PRPF39: variants seen among roughly 807,000 people sequenced by gnomAD.
PRPF39 encodes pre-mRNA-processing factor 39.
PRPF39 carries 27 observed loss-of-function variants against 82.1 expected under a neutral mutation model. The observed-to-expected ratio is 0.33, with a 90% CI of 0.24 to 0.45. PRPF39 has a LOEUF of 0.45. Among genes scored for constraint, PRPF39 ranks in the 20% least tolerant of loss-of-function variants. The pLI is 1.00. For missense variants in PRPF39, 581 were observed against 796.9 expected, an observed-to-expected ratio of 0.73 and a Z score of 3.26; for synonymous variants, 261 against 256.4, an observed-to-expected ratio of 1.02 and a Z score of -0.17.
At chr14:45,087,352 G>A (rs1191091255) in intron 1 of PRPF39, among the ~76,000 whole-genome samples, 7 of 152,132 alleles carry the variant, frequency 4.6e-5, no homozygotes, top group Admixed American at 1.3e-4. Context: ...CTCTCACCTC[G>A]ACTTCCAAAG....
At chr14:45,092,081 C>T (rs1419481925) in intron 1 of PRPF39, among the ~76,000 whole-genome samples, 1 of 152,158 alleles carries the variant, frequency 6.6e-6, no homozygotes, top group African/African-American at 2.4e-5. Context: ...AAGGAAGGAC[C>T]ACACTAGTTG....
At chr14:45,088,903 C>G (rs1765929478) in intron 1 of PRPF39, among the ~76,000 whole-genome samples, 2 of 152,238 alleles carry the variant, frequency 1.3e-5, no homozygotes, top group African/African-American at 4.8e-5. Context: ...AAATTTTTTT[C>G]TATTCTATTT....
intron 1 of PRPF39, among the ~76,000 whole-genome samples, chr14:45,092,297 T>C (rs1201610358): frequency 6.6e-6 from 1 of 152,092 alleles, no homozygotes; most frequent in Admixed American, 6.6e-5. Flanking sequence ...AGTGCAACTT[T>C]TCCAGAGAGA....
Position 45,115,150 on chromosome 14 carries a change from C to T in PRPF39, c.*237C>T. The T allele has an allele frequency of 3.3e-6, 1 of 303,006 alleles. No homozygotes were observed. Among genetic ancestry groups the T allele is most frequent in the East Asian group, 5.7e-5 (1 of 17,416 alleles). The allele number at this position is 303,006 out of a possible 1,614,324, so 18.8% of individuals were successfully genotyped here. ...TTGAAAAACTATTTTTTGATTTTTG[C>T]ATTAAGTGGTCTAGAATTCTTTTGC... On this transcript the variant is annotated 3_prime_UTR_variant, in exon 14 of 14. Coordinates refer to ENST00000355765, the MANE Select transcript of PRPF39 (RefSeq NM_017922.4).
intron 1 of PRPF39, among the ~76,000 whole-genome samples, chr14:45,085,519 A>G (rs1018044913): frequency 1.3e-5 from 2 of 152,250 alleles, no homozygotes; most frequent in African/African-American, 4.8e-5. Context: ...AGGACTTCAA[A>G]AAAAATTAAA....
At chr14:45,114,291 C>T (rs770090272) in intron 12 of PRPF39, 34 bp downstream of exon 12, 2 of 1,492,726 alleles carry the variant, frequency 1.3e-6, no homozygotes, top group South Asian at 1.2e-5. Flanking sequence ...AGAAGGCGTG[C>T]TTCATTATGG....
At chr14:45,096,639 T>TA (rs775137727) in intron 3 of PRPF39, 1 of 1,489,504 alleles carries the variant, frequency 6.7e-7, no homozygotes, top group South Asian at 1.2e-5. Flanking sequence ...CTATGGTCTG[T>TA]AACCCAAAGC....
At chr14:45,093,627 C>G (rs1287913911) in intron 1 of PRPF39, among the ~76,000 whole-genome samples, 1 of 151,368 alleles carries the variant, frequency 6.6e-6, no homozygotes, top group Non-Finnish European at 1.5e-5. Context: ...ATGATCTCGG[C>G]TCACTGTACC....
chr14:45,091,741 G>T (rs957897917), intron 1 of PRPF39, among the ~76,000 whole-genome samples: 1 of 152,104 alleles, frequency 6.6e-6, no homozygotes, highest in African/African-American at 2.4e-5. Flanking sequence ...AAATCAAAAT[G>T]AGGTGCTACT....
At chr14:45,093,230 T>TTA (rs1555354804) in intron 1 of PRPF39, among the ~76,000 whole-genome samples, 2 of 151,904 alleles carry the variant, frequency 1.3e-5, no homozygotes, top group Admixed American at 6.6e-5. Context: ...ATGATTTATT[T>TTA]TTTTTTTTTT....
Position 45,114,601 on chromosome 14 carries a change from G to C in PRPF39, c.1940G>C (p.Ser647Thr). Residue 647 changes from serine (S) to threonine (T), a missense_variant, in exon 13 of 14, where the codon AGT becomes ACT. Ser to Thr is a moderately conservative substitution (Grantham distance 58). Coordinates refer to ENST00000355765, the MANE Select transcript of PRPF39 (RefSeq NM_017922.4). ...LQANQAVYNY[S>T]AWYQYNYQNP... is the part of the protein sequence containing the mutation. ...GCAAACCAAGCTGTATATAATTATA[G>C]TGCGTGGTATCAAGTGAGTCTGCAT... The C allele has an allele frequency of 6.2e-7, 1 of 1,609,980 alleles. No individual in the cohort carries two copies. The highest frequency in any genetic ancestry group is 8.5e-7 in the Non-Finnish European group (1 of 1,178,432).
At chr14:45,091,997 A>G (rs530080217) in intron 1 of PRPF39, among the ~76,000 whole-genome samples, 4 of 152,312 alleles carry the variant, frequency 2.6e-5, no homozygotes, top group East Asian at 3.9e-4. Flanking sequence ...TTCTTGGCCA[A>G]TCCCTTATAG....
chr14:45,085,309 A>C (rs773143668), intron 1 of PRPF39, among the ~76,000 whole-genome samples: 2 of 152,210 alleles, frequency 1.3e-5, no homozygotes, highest in Non-Finnish European at 2.9e-5. Context: ...GTTAAAGAGG[A>C]CTAGTACTTA....
rs1265288576 is a variant in PRPF39, at chr14:45,108,398, C to T, written c.904-17C>T. The T allele has an allele frequency of 5.8e-6, 9 of 1,555,032 alleles. No individual in the cohort carries two copies. The highest frequency in any genetic ancestry group is 2.5e-5 in the South Asian group (2 of 80,490). ...TACAGTTTGTGAGATTTATTTTTTT[C>T]CCTTTTTCTTCCCAAGCTAATTACA... On this transcript the variant is annotated splice_polypyrimidine_tract_variant and intron_variant, in intron 6 of 13. Transcript: ENST00000355765.
chr14:45,114,640 T>C (rs761684544), intron 13 of PRPF39, 26 bp downstream of exon 13: 1 of 1,583,094 alleles, frequency 6.3e-7, no homozygotes, highest in South Asian at 1.2e-5. Context: ...TATAATTCTT[T>C]GTTCATAGAT....
chr14:45,109,553 G>T, intron 7 of PRPF39, 63 bp from the exon 8 acceptor site: 2 of 1,383,256 alleles, frequency 1.4e-6, no homozygotes, highest in South Asian at 1.3e-5. Context: ...TATTAACACT[G>T]TACATGTGCA....
At chr14:45,113,784 G>T (rs1458069514) in intron 11 of PRPF39, among the ~76,000 whole-genome samples, 1 of 152,178 alleles carries the variant, frequency 6.6e-6, no homozygotes, top group Non-Finnish European at 1.5e-5. Context: ...TCATCTAAAA[G>T]TAACATCTGC....
intron 12 of PRPF39, 30 bp downstream of exon 12, chr14:45,114,287 C>T (rs769141046): frequency 4.9e-5 from 74 of 1,505,428 alleles, no homozygotes; most frequent in East Asian, 6.8e-5. Context: ...GTCAAGAAGG[C>T]GTGCTTCATT....
chr14:45,113,559 AAGATG>A (rs1884755310), intron 11 of PRPF39, among the ~76,000 whole-genome samples: 2 of 152,206 alleles, frequency 1.3e-5, no homozygotes, highest in Admixed American at 6.5e-5. Context: ...AGGTACACAA[AAGATG>A]AGATATGTAA....
Sources: allele counts gnomAD v4.1 joint callset (sites outside exome capture counted in the v4.1 genomes callset), GRCh38; gene constraint gnomAD v4.1.1; transcripts MANE v1.5; gene names NCBI Gene and HGNC (gene_info 2026-07-23, HGNC 2026-07-21).